LAMP3: variants seen among roughly 807,000 people sequenced by gnomAD.
The protein encoded by LAMP3 is lysosome associated membrane protein 3.
In LAMP3, 26 loss-of-function variants were observed where a neutral mutation model predicts 34.8. The ratio of observed to expected loss-of-function variants is 0.75; its 90% confidence interval spans 0.55 to 1.04. The LOEUF is 1.04. LAMP3 is among the 50% of genes least tolerant of loss of function. LAMP3 has a pLI of 0.00. For missense variants in LAMP3, 495 were observed against 524.0 expected (o/e 0.94, Z 0.54); for synonymous variants, 180 against 201.9 (o/e 0.89, Z 0.92).
At chr3:183,124,296 A>C in intron 5 of LAMP3, 82 bp from the exon 6 acceptor site, 1 of 1,268,804 alleles carries the variant, frequency 7.9e-7, no homozygotes, top group Non-Finnish European at 1.1e-6. Flanking sequence ...AAAGAAGATG[A>C]GCTTTGGCAT....
At chr3:183,126,211 A>G (rs893554822) in intron 5 of LAMP3, among the ~76,000 whole-genome samples, 4 of 152,152 alleles carry the variant, frequency 2.6e-5, no homozygotes, top group African/African-American at 7.2e-5. Context: ...AGAAAATAAT[A>G]TAGCCATTAA....
chr3:183,135,464 T>C (rs577155775), intron 5 of LAMP3, among the ~76,000 whole-genome samples: 1 of 152,034 alleles, frequency 6.6e-6, no homozygotes, highest in Admixed American at 6.6e-5. Context: ...AGCGCGTGAG[T>C]GTTTAAATGA....
chr3:183,124,431 A>T (rs1719736134), intron 5 of LAMP3, among the ~76,000 whole-genome samples: 1 of 151,028 alleles, frequency 6.6e-6, no homozygotes, highest in Non-Finnish European at 1.5e-5. Flanking sequence ...AGAAGATTAA[A>T]TAACCATATT....
At chr3:183,136,163 A>G (rs1025489023) in intron 4 of LAMP3, among the ~76,000 whole-genome samples, 1 of 152,130 alleles carries the variant, frequency 6.6e-6, no homozygotes, top group Non-Finnish European at 1.5e-5. Flanking sequence ...GGTTACTTTA[A>G]ATCATTGGGG....
chr3:183,142,973 C>T (rs1720331597), intron 3 of LAMP3, among the ~76,000 whole-genome samples: 1 of 152,182 alleles, frequency 6.6e-6, no homozygotes, highest in South Asian at 2.1e-4. Flanking sequence ...AAAATGAGGC[C>T]TTCCGTAAGC....
At chr3:183,146,715 A>G (rs1468399824) in intron 3 of LAMP3, among the ~76,000 whole-genome samples, 4 of 151,708 alleles carry the variant, frequency 2.6e-5, no homozygotes, top group Non-Finnish European at 5.9e-5. Flanking sequence ...TTTAGTAGAG[A>G]CAGGGTCTTG....
chr3:183,128,764 A>G (rs1029584506), intron 5 of LAMP3, among the ~76,000 whole-genome samples: 1 of 151,706 alleles, frequency 6.6e-6, no homozygotes, highest in African/African-American at 2.4e-5. Context: ...CTGGTCTTAA[A>G]CTCCTGGGCT....
rs775249635 is a variant in LAMP3, at chr3:183,154,114, G to A, written c.327C>T (p.Ala109=). ...GAGCTGTGTGTGAGTTGTTGGGTGT[G>A]GCCTGGGTTGTGACCAGGGTGTAGG... ...PITYTLVTTQ[A]TPNNSHTAPP... is the part of the protein sequence containing the mutation. Residue 109 remains alanine, a synonymous_variant, in exon 2 of 6, where the codon GCC becomes GCT. Coordinates refer to ENST00000265598, the MANE Select transcript of LAMP3 (RefSeq NM_014398.4). 1.2e-5 allele frequency: 20 copies of A among 1,614,158 alleles called. No homozygotes were observed. The East Asian group carries it at 4.2e-4, about 34-fold the overall frequency.
chr3:183,142,339 A>C (rs2108603295), intron 3 of LAMP3, among the ~76,000 whole-genome samples: 1 of 152,142 alleles, frequency 6.6e-6, no homozygotes, highest in African/African-American at 2.4e-5. Flanking sequence ...GATTGATTTG[A>C]GGAGCAGCAG....
chr3:183,130,290 C>A (rs1719878351), intron 5 of LAMP3, among the ~76,000 whole-genome samples: 1 of 151,198 alleles, frequency 6.6e-6, no homozygotes, highest in African/African-American at 2.4e-5. Flanking sequence ...TCCCGAGTAG[C>A]TGGGACTACA....
At chr3:183,149,574 A>AATATATATATATATATATATATATATAT (rs765127504) in intron 3 of LAMP3, among the ~76,000 whole-genome samples, 2 of 32,632 alleles carry the variant, frequency 6.1e-5, no homozygotes, top group African/African-American at 1.2e-4. Context: ...AAAAAAAAAA[A>AATATATATATATATATATATATATATAT]ATATATATAT....
At chr3:183,153,196 A>G (rs867965437) in intron 2 of LAMP3, among the ~76,000 whole-genome samples, 4,024 of 150,220 alleles carry the variant, frequency 0.027, 250 homozygotes, top group African/African-American at 0.096. Context: ...AAAAAAAGAA[A>G]GAAAATATTG....
chr3:183,158,596 T>A (rs919495746), intron 1 of LAMP3, among the ~76,000 whole-genome samples: 1 of 151,410 alleles, frequency 6.6e-6, no homozygotes, highest in Admixed American at 6.6e-5. Flanking sequence ...TGAAGAGGCG[T>A]TAGAAGGTTT....
intron 5 of LAMP3, chr3:183,133,036 T>G (rs2108597153): frequency 1.5e-6 from 1 of 678,768 alleles, no homozygotes; most frequent in African/African-American, 2.0e-5. Flanking sequence ...CTGCCTCAGC[T>G]TTGGAGAAAA....
chr3:183,143,733 A>G (rs1482114483), intron 3 of LAMP3, among the ~76,000 whole-genome samples: 2 of 152,222 alleles, frequency 1.3e-5, no homozygotes, highest in Admixed American at 6.5e-5. Flanking sequence ...GTTTTACACA[A>G]TTTATGCTAT....
chr3:183,135,473 G>A (rs1032734220), intron 5 of LAMP3, among the ~76,000 whole-genome samples: 1 of 152,208 alleles, frequency 6.6e-6, no homozygotes, highest in Non-Finnish European at 1.5e-5. Context: ...GTGTTTAAAT[G>A]AGTAAGAATG....
intron 3 of LAMP3, among the ~76,000 whole-genome samples, chr3:183,141,587 T>A (rs1032871009): frequency 1.3e-5 from 2 of 152,282 alleles, no homozygotes; most frequent in African/African-American, 4.8e-5. Context: ...ATATAGTCAT[T>A]AGAGAAACTT....
At chr3:183,147,104 G>A (rs540811380) in intron 3 of LAMP3, among the ~76,000 whole-genome samples, 4 of 152,108 alleles carry the variant, frequency 2.6e-5, no homozygotes, top group South Asian at 2.1e-4. Context: ...TTAGCCGGGC[G>A]TGGTGGCATG....
intron 3 of LAMP3, among the ~76,000 whole-genome samples, chr3:183,145,776 G>A (rs1720422354): frequency 6.6e-6 from 1 of 152,166 alleles, no homozygotes; most frequent in Admixed American, 6.5e-5. Flanking sequence ...AGAATCACTT[G>A]AACCCAGGAG....
Sources: allele counts gnomAD v4.1 joint callset (sites outside exome capture counted in the v4.1 genomes callset), GRCh38; gene constraint gnomAD v4.1.1; transcripts MANE v1.5; gene names NCBI Gene and HGNC (gene_info 2026-07-23, HGNC 2026-07-21).